ATXN7L3: variants seen among roughly 807,000 people sequenced by gnomAD.
ATXN7L3 encodes the protein ataxin-7-like protein 3.
Under a neutral mutation model 50.0 loss-of-function variants are expected in ATXN7L3, and 6 were observed. The ratio of observed to expected loss-of-function variants is 0.12; its 90% CI spans 0.07 to 0.24. The LOEUF (loss-of-function observed/expected upper bound fraction) is 0.24. Ranked by LOEUF, ATXN7L3 falls within the 10% of genes least tolerant of loss-of-function variation. The pLI is 1.00. For synonymous variants in ATXN7L3, 198 were observed against 165.8 expected, an observed-to-expected ratio of 1.19 and a Z score of -1.49; for missense variants, 322 against 451.3, an observed-to-expected ratio of 0.71 and a Z score of 2.60.
chr17:44,194,226 G>A lies in ATXN7L3; in HGVS notation c.*37C>T, dbSNP rs201896895. On this transcript the variant is annotated 3_prime_UTR_variant, in exon 13 of 13. Coordinates refer to ENST00000587097, the MANE Select transcript of ATXN7L3 (RefSeq NM_001382309.1). ...CACCTGGGTGGGGGTCAGGAGAGAG[G>A]GCTCTGCTCAGCCAAAGGCTATCCC... 2.5e-6 allele frequency: 4 copies of A among 1,608,648 alleles called. No individual in the cohort carries two copies. The highest frequency in any genetic ancestry group is 2.2e-5 in the East Asian group (1 of 44,846).
chr17:44,193,433 A>G lies in ATXN7L3; in HGVS notation c.*830T>C, dbSNP rs2055767357. 1 of 152,576 alleles carries G rather than the reference A, an allele frequency of 6.6e-6. No individual in the cohort carries two copies. 9.5% of individuals were successfully genotyped at this position (152,576 alleles called of 1,614,324 possible). On this transcript the variant is annotated 3_prime_UTR_variant, in exon 13 of 13. Transcript: ENST00000587097. ...GGAATGAGGTAAGAAAACATTTCAA[A>G]TAAAGCAGCACCGTTCCCTCTCACC...
intron 9 of ATXN7L3, 112 bp downstream of exon 9, chr17:44,195,307 G>A: frequency 7.2e-7 from 1 of 1,384,002 alleles, no homozygotes; most frequent in Admixed American, 1.7e-5. Flanking sequence ...TCCAGACAGA[G>A]AGAACGATAC....
Position 44,194,383 on chromosome 17 carries a change from G to C in ATXN7L3, c.924C>G (p.Thr308=). 6.2e-7 allele frequency: 1 copy of C among 1,614,170 alleles called. No homozygotes were observed. Among genetic ancestry groups the C allele is most frequent in the South Asian group, 1.1e-5 (1 of 91,090 alleles). Residue 308 remains threonine, a synonymous_variant, in exon 13 of 13, where the codon ACC becomes ACG. Transcript: ENST00000587097. ...LGTNSSESRK[T]KKKKSHLSLV... ...GGCTCAGATGGGATTTCTTTTTCTT[G>C]GTTTTCCGTGACTCAGAGCTGTTGG...
intron 2 of ATXN7L3, 61 bp from the exon 3 acceptor site, chr17:44,197,791 A>G: frequency 6.2e-7 from 1 of 1,607,616 alleles, no homozygotes; most frequent in Non-Finnish European, 8.5e-7. Flanking sequence ...ACTCTCACCA[A>G]CCAAATCTGC....
intron 9 of ATXN7L3, 116 bp downstream of exon 9, chr17:44,195,303 C>G: frequency 7.3e-7 from 1 of 1,377,392 alleles, no homozygotes; most frequent in East Asian, 2.3e-5. Flanking sequence ...TAATTCCAGA[C>G]AGAGAGAACG....
chr17:44,195,199 T>C, intron 9 of ATXN7L3, 59 bp from the exon 10 acceptor site: 2 of 1,555,358 alleles, frequency 1.3e-6, no homozygotes, highest in Non-Finnish European at 1.8e-6. Flanking sequence ...AGATGTTAGA[T>C]GTTTCTTTCT....
In ATXN7L3 at chr17:44,193,947, C is replaced by T. The variant is rs1424162295; in HGVS notation, c.*316G>A. 6.6e-6 allele frequency: 2 copies of T among 302,178 alleles called. No individual in the cohort carries two copies. The highest frequency in any genetic ancestry group is 1.2e-5 in the Non-Finnish European group (2 of 160,448). The allele number at this position is 302,178 out of a possible 1,614,324, so 18.7% of individuals were successfully genotyped here. A position where few individuals can be genotyped will look rare whatever the true frequency, so the allele number is the denominator to read the frequency against. On this transcript the variant is annotated 3_prime_UTR_variant, in exon 13 of 13. Coordinates refer to ENST00000587097, the MANE Select transcript of ATXN7L3 (RefSeq NM_001382309.1). ...GTGGGGGGCAGGCAGTGCCCTGGCA[C>T]AGTGCCCAGGTCAGGCCCCTGGCCT... is the stretch of plus-strand genomic sequence containing the variant.
chr17:44,197,839 C>A (rs926723923), intron 2 of ATXN7L3, 109 bp from the exon 3 acceptor site: 111 of 1,550,756 alleles, frequency 7.2e-5, no homozygotes, highest in Admixed American at 5.6e-4. Context: ...GCTTTCTTTG[C>A]CATTTTCCCC....
intron 5 of ATXN7L3, among the ~76,000 whole-genome samples, chr17:44,196,715 T>C (rs1240036020): frequency 1.5e-5 from 2 of 132,292 alleles, no homozygotes; most frequent in Non-Finnish European, 3.1e-5. Flanking sequence ...GAGACGGAGG[T>C]TGCAGTGAGC....
rs139283167 is a variant in ATXN7L3 at position 44,198,006 on chromosome 17, G to T, written c.51+14C>A. 9 of 1,612,084 alleles carry T rather than the reference G, an allele frequency of 5.6e-6. No homozygotes were observed. The highest frequency in any genetic ancestry group is 2.2e-5 in the East Asian group (1 of 44,896). ...AAGAGAAAGAACTGGAGGCACACGT[G>T]GGGGAGCCCTCACCTCTAGTTTGCT... On this transcript the variant is annotated intron_variant, in intron 2 of 12. Transcript: ENST00000587097.
rs914660709 is a variant in ATXN7L3, at chr17:44,193,225, G to A, written c.*1038C>T. ...AGAATAAATAACTTAAAAGCGCTAA[G>A]GAAGGGAAACAGGGCACGCTTTGGA... is the stretch of plus-strand genomic sequence containing the variant. On this transcript the variant is annotated 3_prime_UTR_variant, in exon 13 of 13. Coordinates refer to ENST00000587097, the MANE Select transcript of ATXN7L3 (RefSeq NM_001382309.1). 5 of 152,290 alleles carry A rather than the reference G, an allele frequency of 3.3e-5. No homozygotes were observed. The highest frequency in any genetic ancestry group is 7.3e-5 in the Non-Finnish European group (5 of 68,082). The allele number at this position is 152,290 out of a possible 1,614,324, so 9.4% of individuals were successfully genotyped here.
At chr17:44,196,556 G>A in intron 5 of ATXN7L3, 138 bp from the exon 6 acceptor site, 1 of 1,049,082 alleles carries the variant, frequency 9.5e-7, no homozygotes, top group Non-Finnish European at 1.4e-6. Flanking sequence ...CAGGCGGGCA[G>A]ATCACGAGGT....
At chr17:44,195,528 G>C (rs377733193) in intron 8 of ATXN7L3, 41 bp from the exon 9 acceptor site, 1 of 1,570,762 alleles carries the variant, frequency 6.4e-7, no homozygotes, top group Non-Finnish European at 8.8e-7. Flanking sequence ...ATGGGGCAGA[G>C]AAAAGAGAAG....
At position 44,195,047 on chromosome 17, in the gene ATXN7L3, T is replaced by A. The variant is rs377721145; in HGVS notation, c.665+50A>T. On this transcript the variant is annotated intron_variant, in intron 10 of 12. Transcript: ENST00000587097. ...CAGGGGTACTCCCAACCCATGCCCA[T>A]GGTGAGTGTGCAGGAAGCGCCTGGC... 2.0e-4 allele frequency: 319 copies of A among 1,599,672 alleles called. 2 individuals are homozygous for A. The African/African-American group carries it at 2.1e-3, about 10-fold the overall frequency.
At position 44,198,084 on chromosome 17, in the gene ATXN7L3, T is replaced by G; in HGVS notation, c.-14A>C. ...CTCCATTTTCATTTGTAAACTCTTGTGGAGACGGCGCTCTGACTGCTCATA... is the reference window on the plus strand; with the variant it reads ...CTCCATTTTCATTTGTAAACTCTTGGGGAGACGGCGCTCTGACTGCTCATA... On this transcript the variant is annotated 5_prime_UTR_variant, in exon 2 of 13. Transcript: ENST00000587097. 1 of 1,613,922 alleles carries G rather than the reference T, an allele frequency of 6.2e-7. No individual in the cohort carries two copies. The highest frequency in any genetic ancestry group is 2.2e-5 in the East Asian group (1 of 44,878).
intron 12 of ATXN7L3, 32 bp downstream of exon 12, chr17:44,194,485 C>T (rs1346050596): frequency 6.2e-7 from 1 of 1,613,044 alleles, no homozygotes; most frequent in East Asian, 2.2e-5. Context: ...GCTTTGGGCA[C>T]AGAGCCCCTA....
intron 5 of ATXN7L3, among the ~76,000 whole-genome samples, 157 bp from the exon 6 acceptor site, chr17:44,196,575 C>G (rs926944261): frequency 6.6e-6 from 1 of 151,896 alleles, no homozygotes; most frequent in Non-Finnish European, 1.5e-5. Flanking sequence ...GTCAGAAGAT[C>G]GAGACCATCC....
chr17:44,195,722 T>C (rs2055862045), intron 8 of ATXN7L3, 78 bp downstream of exon 8: 2 of 1,485,286 alleles, frequency 1.3e-6, no homozygotes, highest in Non-Finnish European at 9.4e-7. Context: ...GTCAGCATTC[T>C]GATCCCTACT....
At position 44,193,155 on chromosome 17, in the gene ATXN7L3, A is replaced by C. The variant is rs2144456057; in HGVS notation, c.*1108T>G. ...CACCCAACTCCTAGCAAAGGGGGAGAGGCACAAGATTAGGATTTTCCTCAG... is the reference window on the plus strand; with the variant it reads ...CACCCAACTCCTAGCAAAGGGGGAGCGGCACAAGATTAGGATTTTCCTCAG... On this transcript the variant is annotated 3_prime_UTR_variant, in exon 13 of 13. Transcript: ENST00000587097. 1 of 152,352 alleles carries C rather than the reference A, an allele frequency of 6.6e-6. No individual in the cohort carries two copies. The highest frequency in any genetic ancestry group is 2.1e-4 in the South Asian group (1 of 4,828). The allele number at this position is 152,352 out of a possible 1,614,324, so 9.4% of individuals were successfully genotyped here. A position where few individuals can be genotyped will look rare whatever the true frequency, so the allele number is the denominator to read the frequency against.
Sources: gnomAD v4.1 joint callset for allele counts (sites outside exome capture counted in the v4.1 genomes callset) on GRCh38, gnomAD v4.1.1 for gene constraint, MANE v1.5 for transcripts, NCBI Gene and HGNC (gene_info 2026-07-23, HGNC 2026-07-21) for gene names.